IVNS1ABP: variants seen among roughly 807,000 people sequenced by gnomAD.
IVNS1ABP encodes influenza virus NS1A-binding protein.
IVNS1ABP carries 25 observed loss-of-function variants against 78.9 expected under a neutral mutation model. That is an observed-to-expected ratio of 0.32 (90% CI 0.23 to 0.44). The LOEUF (loss-of-function observed/expected upper bound fraction) is 0.44, where lower values mean the gene tolerates loss of function less well. Among genes scored for constraint, IVNS1ABP ranks in the 20% least tolerant of loss-of-function variants. The pLI, the probability that IVNS1ABP is intolerant of heterozygous loss-of-function variation, is 1.00. For missense variants in IVNS1ABP, 494 were observed against 768.9 expected (o/e 0.64, Z 4.23); for synonymous variants, 241 against 259.7 (o/e 0.93, Z 0.69).
intron 13 of IVNS1ABP, 41 bp from the exon 14 acceptor site, chr1:185,299,924 A>G: frequency 6.2e-7 from 1 of 1,612,670 alleles, no homozygotes; most frequent in African/African-American, 1.3e-5. Flanking sequence ...TACATCTCCC[A>G]GACTCTAAGT....
chr1:185,309,603 A>C, intron 2 of IVNS1ABP, 92 bp from the exon 3 acceptor site: 1 of 688,282 alleles, frequency 1.5e-6, no homozygotes, highest in East Asian at 2.8e-5. Flanking sequence ...CTTTATTCTC[A>C]AATTCCATCC....
rs761248109 is a variant in IVNS1ABP, at chr1:185,300,281, C to T, written c.1305G>A (p.Met435Ile). ...TCCAGTCATCTATGTTTGAATCATACATCTCTCCACAACTCAGGTCATCTG... is the reference window on the plus strand; with the variant it reads ...TCCAGTCATCTATGTTTGAATCATATATCTCTCCACAACTCAGGTCATCTG... ...GHSDDLSCGE[M>I]YDSNIDDWIP... Residue 435 changes from methionine (M) to isoleucine (I), a missense_variant, in exon 12 of 15, where the codon ATG (methionine) becomes ATA (isoleucine). Coordinates refer to ENST00000367498, the MANE Select transcript of IVNS1ABP (RefSeq NM_006469.5). 2 of 1,613,400 alleles carry T rather than the reference C, an allele frequency of 1.2e-6. No individual in the cohort carries two copies. Among genetic ancestry groups the T allele is most frequent in the Admixed American group, 1.7e-5 (1 of 59,832 alleles).
chr1:185,305,761 T>C lies in IVNS1ABP; in HGVS notation c.658-118A>G. 6.3e-6 allele frequency: 7 copies of C among 1,102,480 alleles called. No individual in the cohort carries two copies. Among genetic ancestry groups the C allele is most frequent in the Non-Finnish European group, 7.6e-6 (6 of 785,038 alleles). 68.3% of individuals were successfully genotyped at this position (1,102,480 alleles called of 1,614,324 possible). ...AGTGTGCTTCTTGAGCTTCTTGACA[T>C]ATTACTCTGGCAGGATCCGGAGGTA... On this transcript the variant is annotated intron_variant, in intron 7 of 14. Transcript: ENST00000367498. This position sits in a 1 kb window ranked among gnomAD's most constrained non-coding sequence, Gnocchi z 4.0.
At chr1:185,307,998 A>C in intron 5 of IVNS1ABP, 1 of 1,549,980 alleles carries the variant, frequency 6.5e-7, no homozygotes, top group Non-Finnish European at 8.7e-7. Flanking sequence ...TGTTGAATGC[A>C]GACAGAAGTA....
rs201979152 is a variant in IVNS1ABP at position 185,300,010 on chromosome 1, G to A, written c.1490C>T (p.Pro497Leu). 1.4e-4 allele frequency: 232 copies of A among 1,609,418 alleles called. No individual in the cohort carries two copies. The highest frequency in any genetic ancestry group is 1.9e-4 in the Non-Finnish European group (223 of 1,178,688). ...AAAAATCAACTTACGAATGTTAAGAGGGGCACAGCTTGTCCACAACTTTGT... is the reference window on the plus strand; with the variant it reads ...AAAAATCAACTTACGAATGTTAAGAAGGGCACAGCTTGTCCACAACTTTGT... ...PVTKLWTSCA[P>L]LNIRRHQSAV... The change falls in exon 13 of 15, where the codon CCT becomes CTT. Residue 497 changes from proline to leucine, a missense_variant. Pro to Leu is a moderately conservative substitution (Grantham distance 98). Transcript: ENST00000367498.
intron 14 of IVNS1ABP, 99 bp downstream of exon 14, chr1:185,299,611 C>T: frequency 9.0e-7 from 1 of 1,106,768 alleles, no homozygotes; most frequent in East Asian, 2.4e-5. Flanking sequence ...CTTCTGAATT[C>T]TTAACTGTAC....
At position 185,309,510 on chromosome 1, in the gene IVNS1ABP, G is replaced by A. The variant is rs754984952; in HGVS notation, c.-17C>T. The A allele has an allele frequency of 6.7e-7, 1 of 1,482,544 alleles. No individual in the cohort carries two copies. The highest frequency in any genetic ancestry group is 1.2e-5 in the South Asian group (1 of 86,572). The allele number at this position is 1,482,544 out of a possible 1,614,324, so 91.8% of individuals were successfully genotyped here. ...GGGAATCATTTTTCCTTATAAATTTGGCTAGATGATGAAAAGAAAGCTGAG... is the reference window on the plus strand; with the variant it reads ...GGGAATCATTTTTCCTTATAAATTTAGCTAGATGATGAAAAGAAAGCTGAG... On this transcript the variant is annotated splice_region_variant and 5_prime_UTR_variant, in exon 3 of 15. Transcript: ENST00000367498.
chr1:185,300,229 G>A lies in IVNS1ABP; in HGVS notation c.1357C>T (p.Arg453Cys), dbSNP rs1665536342. 1.9e-6 allele frequency: 3 copies of A among 1,612,964 alleles called. No individual in the cohort carries two copies. Among genetic ancestry groups the A allele is most frequent in the South Asian group, 1.1e-5 (1 of 91,060 alleles). ...AAACTATTATTACCTGCATTACAACGGTTAGTTCTCAATTCTGGAACAGGA... is the reference window on the plus strand; with the variant it reads ...AAACTATTATTACCTGCATTACAACAGTTAGTTCTCAATTCTGGAACAGGA... ...WIPVPELRTN[R>C]CNAGVCALNG... The change falls in exon 12 of 15, where the codon CGT (arginine) becomes TGT (cysteine). Residue 453 changes from arginine (R) to cysteine (C), a missense_variant. Transcript: ENST00000367498.
intron 8 of IVNS1ABP, among the ~76,000 whole-genome samples, chr1:185,301,998 C>T (rs1359116896): frequency 6.6e-6 from 1 of 152,068 alleles, no homozygotes; most frequent in Non-Finnish European, 1.5e-5. Context: ...GTACAGGTAT[C>T]CTTCATACAA....
rs1041201467 is a variant in IVNS1ABP at position 185,305,307 on chromosome 1, C to T, written c.765+229G>A. ...TTATTGGCCTTTACTGTTTGTAATTCCTGCTTTATGAGAAAAAAATTTCAA... is the reference window on the plus strand; with the variant it reads ...TTATTGGCCTTTACTGTTTGTAATTTCTGCTTTATGAGAAAAAAATTTCAA... On this transcript the variant is annotated intron_variant, in intron 8 of 14. Transcript: ENST00000367498. This position sits in a 1 kb window ranked among gnomAD's most constrained non-coding sequence, Gnocchi z 4.0. 6.6e-6 allele frequency among the ~76,000 whole-genome samples: 1 copy of T among 152,030 alleles called. No individual in the cohort carries two copies. Among genetic ancestry groups the T allele is most frequent in the African/African-American group, 2.4e-5 (1 of 41,412 alleles).
At chr1:185,299,957 T>C in intron 13 of IVNS1ABP, 42 bp downstream of exon 13, 1 of 1,609,972 alleles carries the variant, frequency 6.2e-7, no homozygotes, top group Non-Finnish European at 8.5e-7. Context: ...TACTGTTGAT[T>C]TGAAGGTCTT....
At position 185,298,205 on chromosome 1, in the gene IVNS1ABP, T is replaced by C; in HGVS notation, c.1759A>G (p.Lys587Glu). The change falls in exon 15 of 15, where the codon AAG becomes GAG. Residue 587 changes from lysine to glutamate, a missense_variant. Transcript: ENST00000367498. The surrounding 1 kb of genome is among the most constrained non-coding windows in gnomAD (Gnocchi z 4.1). The part of the protein sequence containing the change: ...EMYDPTRNEW[K>E]MMGNMTSPRS... The stretch of plus-strand genomic sequence containing the variant: ...GGTGAAGTCATATTTCCCATCATCT[T>C]CCATTCATTTCTAGTTGGATCATAC... 1 of 1,613,760 alleles carries C rather than the reference T, an allele frequency of 6.2e-7. No individual in the cohort carries two copies. Among genetic ancestry groups the C allele is most frequent in the Non-Finnish European group, 8.5e-7 (1 of 1,179,814 alleles).
rs1464630480 is a variant in IVNS1ABP, at chr1:185,300,053, C to G, written c.1447G>C (p.Asp483His). 3.7e-6 allele frequency: 6 copies of G among 1,613,332 alleles called. No homozygotes were observed. The African/African-American group carries it at 4.0e-5, about 11-fold the overall frequency. ...PYGQKGLKNC[D>H]VFDPVTKLWT... ...AACTTTGTTACAGGATCAAATACAT[C>G]ACAATTTTTCAGTCCTTTTTGACCA... The change falls in exon 13 of 15, where the codon GAT becomes CAT. Residue 483 changes from aspartate to histidine, a missense_variant. Asp to His is a moderately conservative substitution (Grantham distance 81). Coordinates refer to ENST00000367498, the MANE Select transcript of IVNS1ABP (RefSeq NM_006469.5).
chr1:185,300,864 T>G, intron 10 of IVNS1ABP, 108 bp downstream of exon 10: 1 of 808,324 alleles, frequency 1.2e-6, no homozygotes, highest in Non-Finnish European at 2.0e-6. Context: ...TTTCCCTATC[T>G]TATTGGATTG....
intron 1 of IVNS1ABP, among the ~76,000 whole-genome samples, chr1:185,312,086 G>T (rs547836735): frequency 7.3e-4 from 111 of 152,270 alleles, no homozygotes; most frequent in African/African-American, 2.5e-3. Context: ...CTAAAAACTT[G>T]AACATAAAGA....
rs1450406024 is a variant in IVNS1ABP at position 185,305,255 on chromosome 1, C to G, written c.765+281G>C. ...ACAAACAACTGCTTTTCATAATCTT[C>G]CCAAATAATTTCTATATTGTTCCAT... is the stretch of plus-strand genomic sequence containing the variant. On this transcript the variant is annotated intron_variant, in intron 8 of 14. Coordinates refer to ENST00000367498, the MANE Select transcript of IVNS1ABP (RefSeq NM_006469.5). This position sits in a 1 kb window ranked among gnomAD's most constrained non-coding sequence, Gnocchi z 4.0. Among the ~76,000 whole-genome samples, 1 of 152,124 alleles carries G rather than the reference C, an allele frequency of 6.6e-6. No individual in the cohort carries two copies. The highest frequency in any genetic ancestry group is 1.5e-5 in the Non-Finnish European group (1 of 68,002).
Position 185,307,047 on chromosome 1 carries a change from C to T in IVNS1ABP, c.624G>A (p.Glu208=). The T allele has an allele frequency of 6.2e-7, 1 of 1,613,548 alleles. No homozygotes were observed. Among genetic ancestry groups the T allele is most frequent in the Non-Finnish European group, 8.5e-7 (1 of 1,179,540 alleles). ...TCAGCTCTTCCAGACTGTCTCCATTCTCCCAGATGCTACGCTGCACCCAGT... is the reference window on the plus strand; with the variant it reads ...TCAGCTCTTCCAGACTGTCTCCATTTTCCCAGATGCTACGCTGCACCCAGT... ...VINWVQRSIW[E]NGDSLEELME... is the part of the protein sequence containing the mutation. The change falls in exon 7 of 15, where the codon GAG becomes GAA. Residue 208 remains glutamate (E), a synonymous_variant. Coordinates refer to ENST00000367498, the MANE Select transcript of IVNS1ABP (RefSeq NM_006469.5).
intron 7 of IVNS1ABP, chr1:185,306,070 A>G (rs939284030): frequency 1.2e-5 from 2 of 172,112 alleles, no homozygotes; most frequent in Non-Finnish European, 2.5e-5. Flanking sequence ...CCTGTAAGCA[A>G]TGTCAAGAAA....
intron 5 of IVNS1ABP, 150 bp downstream of exon 5, chr1:185,308,650 A>G (rs1336067474): frequency 1.6e-6 from 1 of 639,026 alleles, no homozygotes; most frequent in Non-Finnish European, 2.7e-6. Flanking sequence ...ATTATAGCCA[A>G]ACAGTTAAAA....
Sources: allele counts gnomAD v4.1 joint callset (sites outside exome capture counted in the v4.1 genomes callset), GRCh38; gene constraint gnomAD v4.1.1; non-coding constraint Gnocchi (gnomAD v3.1); transcripts MANE v1.5; gene names NCBI Gene and HGNC (gene_info 2026-07-23, HGNC 2026-07-21).